TAFA2: variants seen among roughly 807,000 people sequenced by gnomAD.
The protein encoded by TAFA2 is TAFA chemokine like family member 2.
TAFA2 carries 7 observed loss-of-function variants against 18.8 expected under a neutral mutation model. The observed-to-expected ratio is 0.37, with a 90% CI of 0.21 to 0.70. The LOEUF (loss-of-function observed/expected upper bound fraction) is 0.70. Ranked by LOEUF, TAFA2 falls within the 30% of genes least tolerant of loss-of-function variation. The pLI is 0.53. For missense variants in TAFA2, 122 were observed against 158.1 expected (o/e 0.77, Z 1.23); for synonymous variants, 60 against 54.2 (o/e 1.11, Z -0.47).
intron 1 of TAFA2, among the ~76,000 whole-genome samples, chr12:62,131,834 T>C (rs925405633): frequency 2.0e-5 from 3 of 152,004 alleles, no homozygotes; most frequent in African/African-American, 7.2e-5. Flanking sequence ...CAAACCACTA[T>C]TCCCCATTTT....
chr12:62,218,439 C>A (rs2062746246), intron 1 of TAFA2, among the ~76,000 whole-genome samples: 1 of 152,142 alleles, frequency 6.6e-6, no homozygotes, highest in South Asian at 2.1e-4. Context: ...AGGCTCACAT[C>A]CCTAGTTATC....
intron 1 of TAFA2, among the ~76,000 whole-genome samples, chr12:62,187,070 C>T (rs1406777271): frequency 3.3e-5 from 5 of 152,082 alleles, no homozygotes; most frequent in East Asian, 1.9e-4. Context: ...GAATAGTACA[C>T]GCCAATGTAA....
intron 1 of TAFA2, among the ~76,000 whole-genome samples, chr12:62,066,183 G>A (rs1380359185): frequency 6.6e-6 from 1 of 150,808 alleles, no homozygotes; most frequent in Non-Finnish European, 1.5e-5. Context: ...ATATATTTAT[G>A]GGGTATATGA....
intron 1 of TAFA2, among the ~76,000 whole-genome samples, chr12:62,147,224 C>A (rs1310149149): frequency 2.9e-5 from 4 of 138,646 alleles, no homozygotes; most frequent in African/African-American, 1.1e-4. Context: ...CAGAAGAAAA[C>A]CAAATACATA....
chr12:61,814,441 C>T (rs570847403), intron 2 of TAFA2, among the ~76,000 whole-genome samples: 10 of 151,254 alleles, frequency 6.6e-5, no homozygotes, highest in Admixed American at 1.3e-4. Flanking sequence ...AACCAGGGAA[C>T]GGTGTGGTTA....
chr12:62,023,970 A>C (rs967041339), intron 1 of TAFA2, among the ~76,000 whole-genome samples: 2 of 152,224 alleles, frequency 1.3e-5, no homozygotes, highest in African/African-American at 4.8e-5. Flanking sequence ...TCGAAAGTTT[A>C]GATAACTTTG....
chr12:62,100,636 T>C lies in TAFA2; in HGVS notation c.-2+90623A>G, dbSNP rs536425134. Among the ~76,000 whole-genome samples the C allele has an allele frequency of 2.0e-5, 3 of 152,332 alleles. No individual in the cohort carries two copies. The South Asian group carries it at 6.2e-4, about 32-fold the overall frequency. On this transcript the variant is annotated intron_variant, in intron 1 of 4. Transcript: ENST00000416284. ...TCATCCTAAAAGAACAGTGTAGACC[T>C]TTCTATAACAATGAAGATCATCACT...
At chr12:61,753,847 G>T in intron 3 of TAFA2, 101 bp from the exon 4 acceptor site, 1 of 1,014,496 alleles carries the variant, frequency 9.9e-7, no homozygotes, top group Non-Finnish European at 1.4e-6. Context: ...TTTCCTACCA[G>T]TGGGAATACA....
At chr12:61,869,357 A>T (rs1296921417) in intron 1 of TAFA2, among the ~76,000 whole-genome samples, 1 of 152,244 alleles carries the variant, frequency 6.6e-6, no homozygotes. Context: ...TAAATGAAAT[A>T]GTCTGTGTAA....
chr12:61,923,448 A>T (rs1280987806), intron 1 of TAFA2, among the ~76,000 whole-genome samples: 1 of 152,218 alleles, frequency 6.6e-6, no homozygotes, highest in Non-Finnish European at 1.5e-5. Flanking sequence ...CCAGGAAAAC[A>T]GTCTCTGGAG....
intron 1 of TAFA2, among the ~76,000 whole-genome samples, chr12:62,055,927 C>CTA (rs1238015114): frequency 6.6e-6 from 1 of 152,084 alleles, no homozygotes; most frequent in Non-Finnish European, 1.5e-5. Context: ...CTTTGAAAGT[C>CTA]AATAGAGAGC....
chr12:62,155,921 A>G (rs1349536524), intron 1 of TAFA2, among the ~76,000 whole-genome samples: 2 of 152,248 alleles, frequency 1.3e-5, no homozygotes, highest in African/African-American at 4.8e-5. Context: ...AAGCAAATGC[A>G]ATAAAACCAA....
chr12:62,140,308 G>T (rs912508782), intron 1 of TAFA2: 8 of 152,296 alleles, frequency 5.3e-5, no homozygotes, highest in Middle Eastern at 3.4e-3. Flanking sequence ...ATTCAAAGAA[G>T]AACTTCTCCT....
At chr12:61,812,268 G>A (rs961040616) in intron 2 of TAFA2, among the ~76,000 whole-genome samples, 2 of 151,476 alleles carry the variant, frequency 1.3e-5, no homozygotes, top group South Asian at 2.1e-4. Context: ...AATAAGAAAG[G>A]GGGAAAGATC....
chr12:61,895,659 T>C (rs573164095), intron 1 of TAFA2, among the ~76,000 whole-genome samples: 12 of 152,176 alleles, frequency 7.9e-5, no homozygotes, highest in Non-Finnish European at 1.5e-4. Flanking sequence ...TTCACACCTG[T>C]AAATCATAAA....
intron 1 of TAFA2, among the ~76,000 whole-genome samples, chr12:62,183,020 C>T (rs2062561764): frequency 6.6e-6 from 1 of 152,188 alleles, no homozygotes. Context: ...AGCCCAAACA[C>T]CTAGAGAGTG....
intron 1 of TAFA2, among the ~76,000 whole-genome samples, chr12:62,114,351 C>T (rs1869868732): frequency 6.6e-6 from 1 of 152,168 alleles, no homozygotes; most frequent in Non-Finnish European, 1.5e-5. Context: ...ATGAGATGAG[C>T]TGGGTACCTC....
At chr12:62,151,786 TA>T (rs1271782620) in intron 1 of TAFA2, among the ~76,000 whole-genome samples, 1 of 152,228 alleles carries the variant, frequency 6.6e-6, no homozygotes, top group African/African-American at 2.4e-5. Context: ...TTCTAAGCCA[TA>T]CATTAGAATA....
chr12:62,103,386 C>A (rs544717735), intron 1 of TAFA2, among the ~76,000 whole-genome samples: 1 of 152,270 alleles, frequency 6.6e-6, no homozygotes, highest in African/African-American at 2.4e-5. Flanking sequence ...ATTATCCAGT[C>A]CAATATATGA....
Sources: allele counts gnomAD v4.1 joint callset (sites outside exome capture counted in the v4.1 genomes callset), GRCh38; gene constraint gnomAD v4.1.1; transcripts MANE v1.5; gene names NCBI Gene and HGNC (gene_info 2026-07-23, HGNC 2026-07-21).